STPG2: variants seen among roughly 807,000 people sequenced by gnomAD.
STPG2 encodes sperm tail PG-rich repeat containing 2.
In STPG2, 56 loss-of-function variants were observed where a neutral mutation model predicts 54.2. That is an observed-to-expected ratio of 1.03 (90% CI 0.83 to 1.29). The LOEUF is 1.29. Among genes scored for constraint, STPG2 ranks in the 50% most tolerant of loss-of-function variants. STPG2 has a pLI of 0.00. For missense variants in STPG2, 596 were observed against 544.9 expected, an observed-to-expected ratio of 1.09 and a Z score of -0.93; for synonymous variants, 200 against 181.8, an observed-to-expected ratio of 1.10 and a Z score of -0.81.
intron 7 of STPG2, among the ~76,000 whole-genome samples, chr4:97,955,302 C>T (rs1234857138): frequency 1.3e-5 from 2 of 151,480 alleles, no homozygotes; most frequent in Admixed American, 1.3e-4. Flanking sequence ...GCTTGCTCCA[C>T]CTTATGGGTT....
At chr4:97,701,597 C>T (rs1349909181) in intron 10 of STPG2, among the ~76,000 whole-genome samples, 1 of 152,174 alleles carries the variant, frequency 6.6e-6, no homozygotes, top group African/African-American at 2.4e-5. Context: ...GATCTGTAAA[C>T]CTGCTCAAGT....
chr4:97,551,958 T>C (rs926113826), intron 4 of STPG2, among the ~76,000 whole-genome samples: 1 of 152,120 alleles, frequency 6.6e-6, no homozygotes, highest in African/African-American at 2.4e-5. Flanking sequence ...ACATGCTTTT[T>C]AAAAAACACA....
At chr4:97,967,293 T>A (rs991291655) in intron 7 of STPG2, among the ~76,000 whole-genome samples, 1 of 150,534 alleles carries the variant, frequency 6.6e-6, no homozygotes, top group Non-Finnish European at 1.5e-5. Context: ...GGTAAAGGGA[T>A]CAATTCAACA....
At chr4:97,520,753 C>A (rs1425695893) in intron 4 of STPG2, among the ~76,000 whole-genome samples, 3 of 151,974 alleles carry the variant, frequency 2.0e-5, no homozygotes, top group Non-Finnish European at 4.4e-5. Context: ...TCTTTATAGG[C>A]ACTCACGAGA....
chr4:97,547,816 G>A (rs575217008), intron 4 of STPG2, among the ~76,000 whole-genome samples: 2 of 152,080 alleles, frequency 1.3e-5, no homozygotes, highest in African/African-American at 2.4e-5. Flanking sequence ...ACTCTAATTC[G>A]AGGAAGGGAG....
intron 10 of STPG2, among the ~76,000 whole-genome samples, chr4:97,597,414 C>T (rs750272943): frequency 7.2e-5 from 11 of 151,950 alleles, no homozygotes; most frequent in Admixed American, 1.3e-4. Context: ...TCTACGAAGC[C>T]AGCATCATCC....
rs182592695 is a variant in STPG2, at chr4:97,450,611, A to T, written c.462+262088T>A. ...CAGGGGAGGCACTCCAGACTCAAAG[A>T]TCAACACAGGCAAAGATCCTGTAGC... On this transcript the variant is annotated intron_variant, in intron 4 of 4. Transcript: ENST00000522676. Among the ~76,000 whole-genome samples the T allele has an allele frequency of 4.2e-3, 641 of 152,248 alleles. 3 individuals carry two copies. Among genetic ancestry groups the T allele is most frequent in the South Asian group, 0.02 (98 of 4,822 alleles).
intron 10 of STPG2, among the ~76,000 whole-genome samples, chr4:97,571,051 G>A (rs1167310008): frequency 6.6e-6 from 1 of 151,812 alleles, no homozygotes; most frequent in East Asian, 1.9e-4. Flanking sequence ...AAAATACATG[G>A]TTAAAACATT....
intron 9 of STPG2, among the ~76,000 whole-genome samples, chr4:97,759,136 GCAGGCAA>G (rs1223097513): frequency 1.1e-4 from 17 of 152,108 alleles, no homozygotes; most frequent in Non-Finnish European, 1.3e-4. Flanking sequence ...TTTTATAGAG[GCAGGCAA>G]ACAAAGTCAT....
chr4:97,946,575 T>G (rs1733231829), intron 7 of STPG2, among the ~76,000 whole-genome samples: 1 of 152,128 alleles, frequency 6.6e-6, no homozygotes, highest in African/African-American at 2.4e-5. Flanking sequence ...TTATATAAAA[T>G]GAGATGTAGG....
chr4:97,834,208 G>A (rs1212416104), intron 9 of STPG2, among the ~76,000 whole-genome samples: 1 of 152,090 alleles, frequency 6.6e-6, no homozygotes, highest in Non-Finnish European at 1.5e-5. Context: ...GTCCTTTGCA[G>A]GGACATGGAT....
chr4:97,898,186 T>C (rs1731033911), intron 8 of STPG2, among the ~76,000 whole-genome samples: 1 of 152,156 alleles, frequency 6.6e-6, no homozygotes, highest in Non-Finnish European at 1.5e-5. Context: ...CTTGATTTTG[T>C]CAGCTTTGTC....
chr4:98,073,456 C>T (rs1807251), intron 5 of STPG2, among the ~76,000 whole-genome samples: 60,235 of 151,950 alleles, frequency 0.4, 12,180 homozygotes, highest in Middle Eastern at 0.46. Context: ...CCAGGTGTGG[C>T]GGCTCATGCC....
intron 5 of STPG2, among the ~76,000 whole-genome samples, chr4:97,997,426 G>T (rs559679605): frequency 6.6e-6 from 1 of 152,266 alleles, no homozygotes; most frequent in South Asian, 2.1e-4. Flanking sequence ...GAGCAATGGG[G>T]AAGGTGTTAC....
intron 8 of STPG2, chr4:97,916,501 G>A (rs1211261930): frequency 6.6e-6 from 1 of 152,596 alleles, no homozygotes; most frequent in Non-Finnish European, 1.5e-5. Flanking sequence ...CAGGCTCCTG[G>A]AGAAGACGGG....
intron 9 of STPG2, among the ~76,000 whole-genome samples, chr4:97,812,953 T>C (rs1052058986): frequency 1.3e-5 from 2 of 152,190 alleles, no homozygotes. Flanking sequence ...GTTGTCGCTA[T>C]CTTAAATGGC....
intron 5 of STPG2, among the ~76,000 whole-genome samples, chr4:98,011,031 T>G (rs1281426637): frequency 6.6e-6 from 1 of 152,198 alleles, no homozygotes; most frequent in African/African-American, 2.4e-5. Flanking sequence ...CCTTAGTGGT[T>G]TGCTGCACTG....
chr4:98,006,218 T>C (rs2081622), intron 5 of STPG2, among the ~76,000 whole-genome samples: 59,941 of 152,016 alleles, frequency 0.39, 12,053 homozygotes, highest in Middle Eastern at 0.46. Flanking sequence ...TCAGACAGCC[T>C]GCACAACAGG....
In STPG2 at chr4:97,546,433, A is replaced by G. The variant is rs188333521; in HGVS notation, c.462+166266T>C. Among the ~76,000 whole-genome samples the G allele has an allele frequency of 4.1e-3, 630 of 152,232 alleles. 3 individuals are homozygous for G. Among genetic ancestry groups the G allele is most frequent in the South Asian group, 0.02 (97 of 4,824 alleles). The stretch of plus-strand genomic sequence containing the variant: ...AGGGTATTATACTATCAAGGTAAAT[A>G]AAATGACAGAATAAGATTGGCAGAC... On this transcript the variant is annotated intron_variant, in intron 4 of 4. Coordinates refer to the STPG2 transcript ENST00000522676.
Sources: allele counts gnomAD v4.1 joint callset (sites outside exome capture counted in the v4.1 genomes callset), GRCh38; gene constraint gnomAD v4.1.1; transcripts MANE v1.5; gene names NCBI Gene and HGNC (gene_info 2026-07-23, HGNC 2026-07-21).